Variants in LPCAT1 observed in about 807,000 individuals in gnomAD.
LPCAT1 encodes the protein 1-acylglycerol-3-phosphate O-acyltransferase.
A neutral mutation model predicts 60.9 loss-of-function variants in LPCAT1; 23 were observed. That is an observed-to-expected ratio of 0.38 (90% CI 0.27 to 0.53). LPCAT1 has a LOEUF of 0.53. LPCAT1 is among the 20% of genes least tolerant of loss of function. LPCAT1 has a pLI of 0.82. For missense variants in LPCAT1, 622 were observed against 723.6 expected (o/e 0.86, Z 1.61); for synonymous variants, 340 against 301.1 (o/e 1.13, Z -1.34).
At chr5:1,488,650 T>C (rs752509726) in intron 4 of LPCAT1, among the ~76,000 whole-genome samples, 199 bp from the exon 5 acceptor site, 3 of 152,242 alleles carry the variant, frequency 2.0e-5, no homozygotes, top group Admixed American at 6.5e-5. Context: ...TATTAAAGTG[T>C]GGCAGCAGTA....
intron 2 of LPCAT1, among the ~76,000 whole-genome samples, chr5:1,500,324 T>A (rs763292540): frequency 1.3e-4 from 20 of 152,284 alleles, no homozygotes; most frequent in Admixed American, 3.3e-4. Context: ...CATTTGCTAA[T>A]GGCAGATACT....
intron 1 of LPCAT1, among the ~76,000 whole-genome samples, chr5:1,515,420 G>A (rs7737853): frequency 2.1e-5 from 3 of 143,554 alleles, no homozygotes; most frequent in Non-Finnish European, 4.6e-5. Context: ...TACACCCTGC[G>A]CCACACTACC....
At chr5:1,514,048 T>C (rs111786297) in intron 1 of LPCAT1, among the ~76,000 whole-genome samples, 225 of 152,184 alleles carry the variant, frequency 1.5e-3, no homozygotes, top group Middle Eastern at 0.01. Flanking sequence ...GCCCTGGAGG[T>C]GGGAGTCCCA....
In LPCAT1 at chr5:1,481,343, C is replaced by A. The variant is rs1265562783; in HGVS notation, c.727-367G>T. Among the ~76,000 whole-genome samples the A allele has an allele frequency of 6.6e-6, 1 of 152,236 alleles. No homozygotes were observed. Among genetic ancestry groups the A allele is most frequent in the South Asian group, 2.1e-4 (1 of 4,834 alleles). Reference sequence around the variant, plus strand: ...CCCTCCATGCTCTCCGCTTTCCTCACAGACCTGGGGACACCAATTCCAGTG... The same window carrying A: ...CCCTCCATGCTCTCCGCTTTCCTCAAAGACCTGGGGACACCAATTCCAGTG... On this transcript the variant is annotated intron_variant, in intron 6 of 13. Transcript: ENST00000283415. The surrounding 1 kb of genome is among the most constrained non-coding windows in gnomAD (Gnocchi z 7.8).
chr5:1,514,670 T>C lies in LPCAT1; in HGVS notation c.135+9040A>G, dbSNP rs547619885. Among the ~76,000 whole-genome samples the C allele has an allele frequency of 2.5e-4, 38 of 152,318 alleles. No homozygotes were observed. In the East Asian group the frequency reaches 6.0e-3, roughly 24 times the overall value. On this transcript the variant is annotated intron_variant, in intron 1 of 13. Transcript: ENST00000283415. Reference sequence around the variant, plus strand: ...CTGCAGCAGCATTTCACTCTGTTGGTGTCCGAGGACCTCAGGGGCTGTGGA... The same window carrying C: ...CTGCAGCAGCATTTCACTCTGTTGGCGTCCGAGGACCTCAGGGGCTGTGGA...
intron 11 of LPCAT1, among the ~76,000 whole-genome samples, chr5:1,473,451 C>T (rs1329716328): frequency 6.6e-6 from 1 of 152,254 alleles, no homozygotes; most frequent in Non-Finnish European, 1.5e-5. Flanking sequence ...CTGGTGTGAC[C>T]GTGGATGCCT....
In LPCAT1 at chr5:1,480,804, C is replaced by T; in HGVS notation, c.761+138G>A. ...GCCACATCTGTACGTTTAGTTTTCA[C>T]AATGGGCTGAACCTAACGGCTGTCC... On this transcript the variant is annotated intron_variant, in intron 7 of 13. Transcript: ENST00000283415. The surrounding 1 kb of genome is among the most constrained non-coding windows in gnomAD (Gnocchi z 6.4). 9.4e-7 allele frequency: 1 copy of T among 1,065,488 alleles called. No homozygotes were observed. The allele number at this position is 1,065,488 out of a possible 1,614,324, so 66.0% of individuals were successfully genotyped here.
chr5:1,488,484 A>T, intron 4 of LPCAT1, 33 bp from the exon 5 acceptor site: 1 of 1,393,588 alleles, frequency 7.2e-7, no homozygotes, highest in Non-Finnish European at 1.0e-6. Context: ...GATCAGCATT[A>T]AACTGTACAT....
chr5:1,500,866 G>A (rs536475755), intron 2 of LPCAT1, among the ~76,000 whole-genome samples: 1 of 152,260 alleles, frequency 6.6e-6, no homozygotes, highest in Non-Finnish European at 1.5e-5. Context: ...CCTGGAAGAT[G>A]GCCCCTCCCG....
intron 3 of LPCAT1, among the ~76,000 whole-genome samples, chr5:1,492,361 G>A (rs978497769): frequency 3.9e-5 from 6 of 152,128 alleles, no homozygotes; most frequent in Admixed American, 3.3e-4. Flanking sequence ...TGGGACCTGG[G>A]GAGATGGTTT....
In LPCAT1 at chr5:1,477,436, C is replaced by T. The variant is rs760470603; in HGVS notation, c.867G>A (p.Leu289=). 3.1e-6 allele frequency: 5 copies of T among 1,613,936 alleles called. No homozygotes were observed. In the East Asian group the frequency reaches 1.1e-4, roughly 36 times the overall value. ...PSEEEKRNPA[L]YASNVRRVMA... The stretch of plus-strand genomic sequence containing the variant: ...TGACTCGCCGCACGTTGCTGGCATA[C>T]AGCGCGGGGTTCCTCTTCTCCTCCT... The change falls in exon 9 of 14, where the codon CTG becomes CTA. Residue 289 remains leucine (L), a synonymous_variant. Transcript: ENST00000283415. This position sits in a 1 kb window ranked among gnomAD's most constrained non-coding sequence, Gnocchi z 6.0.
intron 13 of LPCAT1, among the ~76,000 whole-genome samples, chr5:1,465,447 T>C (rs1337248225): frequency 3.1e-5 from 4 of 129,042 alleles, no homozygotes; most frequent in South Asian, 2.7e-4. Context: ...CAAGCGCAGG[T>C]ACACACAGTA....
Position 1,481,022 on chromosome 5 carries a change from GGGCCTGC to G in LPCAT1, c.727-53_727-47del, listed in dbSNP as rs1211938281. On this transcript the variant is annotated intron_variant, in intron 6 of 13. Transcript: ENST00000283415. This position sits in a 1 kb window ranked among gnomAD's most constrained non-coding sequence, Gnocchi z 7.8. The stretch of plus-strand genomic sequence containing the variant: ...TCAGTCAGCATGGGGCCTGCACCCA[GGGCCTGC>G]ACCAAGCACCTGCGTGTGCCGGCCT... 1 of 1,060,024 alleles carries G rather than the reference GGGCCTGC, an allele frequency of 9.4e-7. No homozygotes were observed. The highest frequency in any genetic ancestry group is 3.0e-5 in the Admixed American group (1 of 33,630). 65.7% of individuals were successfully genotyped at this position (1,060,024 alleles called of 1,614,324 possible).
At chr5:1,517,178 C>T (rs549114125) in intron 1 of LPCAT1, among the ~76,000 whole-genome samples, 53 of 152,296 alleles carry the variant, frequency 3.5e-4, no homozygotes, top group African/African-American at 1.2e-3. Context: ...GTAAGCATGC[C>T]CCAGCACCCA....
intron 4 of LPCAT1, among the ~76,000 whole-genome samples, chr5:1,488,928 G>A (rs10038963): frequency 0.05 from 7,682 of 152,310 alleles, 532 homozygotes; most frequent in African/African-American, 0.16. Flanking sequence ...CAGGAGAGCC[G>A]AGCCCCAGTC....
intron 12 of LPCAT1, among the ~76,000 whole-genome samples, chr5:1,469,838 C>G (rs1207544671): frequency 1.3e-5 from 2 of 151,934 alleles, no homozygotes; most frequent in African/African-American, 4.8e-5. Flanking sequence ...CAGCAGGGGC[C>G]GCAGGGCCAC....
intron 1 of LPCAT1, among the ~76,000 whole-genome samples, chr5:1,505,092 C>T (rs547647490): frequency 2.0e-5 from 3 of 150,736 alleles, no homozygotes; most frequent in African/African-American, 7.3e-5. Context: ...ACACTGCTTC[C>T]ACCACAGGGT....
rs1040170741 is a variant in LPCAT1 at position 1,474,741 on chromosome 5, G to C, written c.900-56C>G. On this transcript the variant is annotated intron_variant, in intron 9 of 13. Transcript: ENST00000283415. ...AGCCTCGTGGCAGCCAGTTCCCACC[G>C]CCCCACCAGAATAACCGCCGATGGC... 7 of 1,563,052 alleles carry C rather than the reference G, an allele frequency of 4.5e-6. No individual in the cohort carries two copies. In the East Asian group the frequency reaches 1.4e-4, roughly 31 times the overall value.
intron 1 of LPCAT1, among the ~76,000 whole-genome samples, chr5:1,503,362 C>T (rs974050945): frequency 1.9e-4 from 29 of 152,200 alleles, no homozygotes; most frequent in African/African-American, 6.0e-4. Flanking sequence ...TCATCCTCCA[C>T]GAGTTTTGTT....
Sources: gnomAD v4.1 joint callset for allele counts (sites outside exome capture counted in the v4.1 genomes callset) on GRCh38, gnomAD v4.1.1 for gene constraint, Gnocchi (gnomAD v3.1) non-coding constraint, MANE v1.5 for transcripts, NCBI Gene and HGNC (gene_info 2026-07-23, HGNC 2026-07-21) for gene names.